The following SH3PXD2B variants were observed in gnomAD, a reference collection of about 807,000 sequenced individuals.
The protein encoded by SH3PXD2B is SH3 and PX domains 2B.
SH3PXD2B carries 37 observed loss-of-function variants against 73.1 expected under a neutral mutation model. The ratio of observed to expected loss-of-function variants is 0.51; its 90% CI spans 0.39 to 0.67. The LOEUF is 0.67. Among genes scored for constraint, SH3PXD2B ranks in the 30% least tolerant of loss-of-function variants. The pLI, the probability that SH3PXD2B is intolerant of heterozygous loss-of-function variation, is 0.00. For synonymous variants in SH3PXD2B, 457 were observed against 480.5 expected (o/e 0.95, Z 0.64); for missense variants, 1,053 against 1,197.8 (o/e 0.88, Z 1.78).
intron 2 of SH3PXD2B, among the ~76,000 whole-genome samples, chr5:172,414,417 C>T (rs972695413): frequency 1.4e-5 from 2 of 144,378 alleles, no homozygotes; most frequent in African/African-American, 5.2e-5. Flanking sequence ...GGCCGTGAGC[C>T]GAGATCGCGC....
chr5:172,403,860 A>C (rs1030714886), intron 3 of SH3PXD2B, among the ~76,000 whole-genome samples: 6 of 152,204 alleles, frequency 3.9e-5, no homozygotes, highest in Non-Finnish European at 8.8e-5. Flanking sequence ...CTTTACCAAT[A>C]ATCTACTATG....
chr5:172,379,168 T>C (rs1360914557), intron 5 of SH3PXD2B, among the ~76,000 whole-genome samples: 1 of 151,218 alleles, frequency 6.6e-6, no homozygotes, highest in Non-Finnish European at 1.5e-5. Context: ...GATGGAGGCT[T>C]TAGGGGTAAT....
chr5:172,351,764 T>C (rs202221495), intron 9 of SH3PXD2B, among the ~76,000 whole-genome samples: 1 of 146,374 alleles, frequency 6.8e-6, no homozygotes, highest in Non-Finnish European at 1.5e-5. Context: ...CTAAATAGCA[T>C]TGGGTTTTAA....
intron 4 of SH3PXD2B, among the ~76,000 whole-genome samples, chr5:172,392,869 G>C (rs1032710761): frequency 1.3e-5 from 2 of 152,182 alleles, no homozygotes; most frequent in Non-Finnish European, 2.9e-5. Flanking sequence ...AATATCAGCT[G>C]ATCAAACATT....
intron 2 of SH3PXD2B, among the ~76,000 whole-genome samples, chr5:172,419,968 G>A (rs1400888701): frequency 2.0e-5 from 3 of 152,202 alleles, no homozygotes; most frequent in Non-Finnish European, 4.4e-5. Flanking sequence ...TAGTGAATCA[G>A]CATAAATCAC....
downstream of SH3PXD2B, among the ~76,000 whole-genome samples, chr5:172,331,128 G>C (rs1756546562): frequency 6.6e-6 from 1 of 152,252 alleles, no homozygotes; most frequent in South Asian, 2.1e-4. Flanking sequence ...CCGGGAGGCA[G>C]AGGCTGCAGT....
chr5:172,358,604 C>T (rs190023335), intron 8 of SH3PXD2B, among the ~76,000 whole-genome samples, 169 bp downstream of exon 8: 6 of 152,344 alleles, frequency 3.9e-5, no homozygotes, highest in Non-Finnish European at 7.3e-5. Context: ...CCCCTCAGCT[C>T]TAATACCATG....
At chr5:172,412,753 G>C (rs1174773053) in intron 2 of SH3PXD2B, among the ~76,000 whole-genome samples, 2 of 152,182 alleles carry the variant, frequency 1.3e-5, no homozygotes, top group African/African-American at 4.8e-5. Context: ...CAGGAGCAGA[G>C]GCATGCTCCT....
At chr5:172,354,214 C>T (rs778062457) in intron 8 of SH3PXD2B, among the ~76,000 whole-genome samples, 2 of 140,808 alleles carry the variant, frequency 1.4e-5, no homozygotes, top group Admixed American at 7.0e-5. Context: ...TCTGAAACTC[C>T]TCAGCGCCAC....
At chr5:172,428,661 G>A (rs1292972572) in intron 1 of SH3PXD2B, among the ~76,000 whole-genome samples, 2 of 152,218 alleles carry the variant, frequency 1.3e-5, no homozygotes, top group African/African-American at 4.8e-5. Flanking sequence ...CTCATGGATA[G>A]AGGGACAATC....
chr5:172,361,428 G>A (rs1378876381), intron 7 of SH3PXD2B, among the ~76,000 whole-genome samples: 2 of 152,124 alleles, frequency 1.3e-5, no homozygotes, highest in South Asian at 2.1e-4. Context: ...ACTTGAAGAT[G>A]TACCCACTCA....
rs1007845835 is a variant in SH3PXD2B, at chr5:172,442,350, A to G, written c.75+11928T>C. Among the ~76,000 whole-genome samples, 9 of 152,158 alleles carry G rather than the reference A, an allele frequency of 5.9e-5. No individual in the cohort carries two copies. In the East Asian group the frequency reaches 9.6e-4, roughly 16 times the overall value. On this transcript the variant is annotated intron_variant, in intron 1 of 12. Coordinates refer to ENST00000311601, the MANE Select transcript of SH3PXD2B (RefSeq NM_001017995.3). The stretch of plus-strand genomic sequence containing the variant: ...TATTTTTCAAAATTATGATCACACT[A>G]TATATATGATTTGGTTTTTTTCATT...
chr5:172,328,504 A>G (rs1468979589), downstream of SH3PXD2B, among the ~76,000 whole-genome samples: 1 of 152,108 alleles, frequency 6.6e-6, no homozygotes, highest in African/African-American at 2.4e-5. Flanking sequence ...CATCCTCAGT[A>G]GACAGTTTTT....
intron 1 of SH3PXD2B, among the ~76,000 whole-genome samples, chr5:172,453,984 A>T (rs1427107996): frequency 8.0e-5 from 12 of 150,696 alleles, no homozygotes; most frequent in African/African-American, 2.9e-4. Context: ...GCAGGACGGG[A>T]GTTGGGGGGA....
chr5:172,436,349 C>G (rs1411148291), intron 1 of SH3PXD2B, among the ~76,000 whole-genome samples: 2 of 152,242 alleles, frequency 1.3e-5, no homozygotes, highest in Non-Finnish European at 2.9e-5. Flanking sequence ...TATAACCCAG[C>G]AGCCTGCAGC....
chr5:172,348,902 G>T (rs550296673), intron 10 of SH3PXD2B, among the ~76,000 whole-genome samples: 22 of 151,818 alleles, frequency 1.4e-4, no homozygotes, highest in Non-Finnish European at 2.8e-4. Flanking sequence ...TGTAGATAGG[G>T]GGGTCTCACT....
At position 172,339,554 on chromosome 5, in the gene SH3PXD2B, C is replaced by T; in HGVS notation, c.1551G>A (p.Glu517=). Reference sequence around the variant, plus strand: ...TCCGCGGAGGGAGGCTGGGCTTCTCCTCCATGTCGGGGTCTGAGATCTCCT... The same window carrying T: ...TCCGCGGAGGGAGGCTGGGCTTCTCTTCCATGTCGGGGTCTGAGATCTCCT... The part of the protein sequence containing the change: ...GYEEISDPDM[E]EKPSLPPRKE... Residue 517 remains glutamate, a synonymous_variant, in exon 13 of 13, where the codon GAG becomes GAA. Transcript: ENST00000311601. This position sits in a 1 kb window ranked among gnomAD's most constrained non-coding sequence, Gnocchi z 6.1. 1 of 1,614,226 alleles carries T rather than the reference C, an allele frequency of 6.2e-7. No homozygotes were observed. The highest frequency in any genetic ancestry group is 8.5e-7 in the Non-Finnish European group (1 of 1,180,050).
At chr5:172,346,590 G>A (rs1246326476) in intron 11 of SH3PXD2B, among the ~76,000 whole-genome samples, 1 of 152,080 alleles carries the variant, frequency 6.6e-6, no homozygotes, top group African/African-American at 2.4e-5. Flanking sequence ...TATCTGGGTT[G>A]GAAACACTGA....
chr5:172,415,927 T>C (rs913803813), intron 2 of SH3PXD2B, among the ~76,000 whole-genome samples: 3 of 152,154 alleles, frequency 2.0e-5, no homozygotes, highest in African/African-American at 4.8e-5. Context: ...CACCCTCAGG[T>C]GAATGAGACG....
Sources: gnomAD v4.1 joint callset for allele counts (sites outside exome capture counted in the v4.1 genomes callset) on GRCh38, gnomAD v4.1.1 for gene constraint, Gnocchi (gnomAD v3.1) non-coding constraint, MANE v1.5 for transcripts, NCBI Gene and HGNC (gene_info 2026-07-23, HGNC 2026-07-21) for gene names.